The following ASTN2 variants were observed in gnomAD, a reference collection of about 807,000 sequenced individuals.
The protein encoded by ASTN2 is astrotactin-2.
A neutral mutation model predicts 139.8 loss-of-function variants in ASTN2; 54 were observed. That is an observed-to-expected ratio of 0.39 (90% CI 0.31 to 0.48). ASTN2 has a LOEUF of 0.48. Ranked by LOEUF, ASTN2 falls within the 20% of genes least tolerant of loss-of-function variation. The probability of loss-of-function intolerance (pLI) is 0.95; values close to 1 mark genes in which losing one functional copy is unlikely to be tolerated. For missense variants in ASTN2, 1,565 were observed against 1,725.1 expected (o/e 0.91, Z 1.64); for synonymous variants, 756 against 719.5 (o/e 1.05, Z -0.81).
chr9:117,073,209 C>A (rs1828183687), intron 5 of ASTN2, among the ~76,000 whole-genome samples: 1 of 152,146 alleles, frequency 6.6e-6, no homozygotes, highest in Non-Finnish European at 1.5e-5. Flanking sequence ...GCATGAGGTC[C>A]TGGCCTCTTA....
At chr9:116,613,949 G>C (rs1324485357) in intron 19 of ASTN2, among the ~76,000 whole-genome samples, 2 of 152,314 alleles carry the variant, frequency 1.3e-5, no homozygotes, top group Non-Finnish European at 2.9e-5. Context: ...CCTGTTTGCA[G>C]ATGACATGAT....
intron 2 of ASTN2, among the ~76,000 whole-genome samples, chr9:117,286,893 C>G (rs1052661191): frequency 5.3e-5 from 8 of 152,224 alleles, no homozygotes; most frequent in Admixed American, 2.0e-4. Flanking sequence ...GAATGTCAGG[C>G]ACTGTGCCAT....
intron 16 of ASTN2, among the ~76,000 whole-genome samples, chr9:116,680,401 G>C (rs1262440104): frequency 6.6e-6 from 1 of 152,052 alleles, no homozygotes; most frequent in Non-Finnish European, 1.5e-5. Flanking sequence ...CAACCAAAAA[G>C]AGTCCAGGAC....
At chr9:116,996,548 A>G (rs1256809981) in intron 7 of ASTN2, among the ~76,000 whole-genome samples, 1 of 152,044 alleles carries the variant, frequency 6.6e-6, no homozygotes, top group East Asian at 1.9e-4. Flanking sequence ...TTTAAGTTGA[A>G]ACAAGAAAGA....
At chr9:117,268,074 T>C (rs1440656137) in intron 2 of ASTN2, among the ~76,000 whole-genome samples, 1 of 152,214 alleles carries the variant, frequency 6.6e-6, no homozygotes, top group Non-Finnish European at 1.5e-5. Flanking sequence ...ATAAATGTGG[T>C]TCCCTTCTAA....
chr9:117,230,221 G>A (rs1025870888), intron 2 of ASTN2, among the ~76,000 whole-genome samples: 1 of 149,386 alleles, frequency 6.7e-6, no homozygotes, highest in Non-Finnish European at 1.5e-5. Flanking sequence ...GTGGCTTAAA[G>A]TGTTAGATAT....
chr9:117,262,382 A>T (rs1833843130), intron 2 of ASTN2, among the ~76,000 whole-genome samples: 1 of 146,544 alleles, frequency 6.8e-6, no homozygotes, highest in South Asian at 2.3e-4. Flanking sequence ...ACTGTGGTTG[A>T]TATTCTGTTT....
intron 17 of ASTN2, among the ~76,000 whole-genome samples, chr9:116,623,247 A>G (rs765904175): frequency 1.6e-4 from 24 of 151,476 alleles, no homozygotes; most frequent in Non-Finnish European, 3.4e-4. Flanking sequence ...GTGGAAAACA[A>G]AACAGGAAAT....
intron 3 of ASTN2, among the ~76,000 whole-genome samples, chr9:117,159,544 T>C (rs188149146): frequency 2.9e-4 from 44 of 152,108 alleles, no homozygotes; most frequent in South Asian, 2.5e-3. Flanking sequence ...CTAAAGATTT[T>C]TGGGTATTGA....
At chr9:116,936,383 G>C (rs1318047999) in intron 10 of ASTN2, among the ~76,000 whole-genome samples, 2 of 151,886 alleles carry the variant, frequency 1.3e-5, no homozygotes, top group African/African-American at 4.8e-5. Context: ...CCCAGGTACT[G>C]CCAAACCACA....
chr9:117,027,590 C>T (rs1047451731), intron 6 of ASTN2, among the ~76,000 whole-genome samples: 4 of 152,124 alleles, frequency 2.6e-5, no homozygotes, highest in Non-Finnish European at 5.9e-5. Flanking sequence ...ATTCTCACTC[C>T]CAATCCCTGC....
chr9:116,951,337 CAAAAAAAAAAAAA>C (rs386416039), intron 10 of ASTN2, among the ~76,000 whole-genome samples: 19 of 34,074 alleles, frequency 5.6e-4, no homozygotes, highest in East Asian at 3.5e-3. Flanking sequence ...AACTCTGTCT[CAAAAAAAAAAAAA>C]AAAAAAAAAA....
At chr9:116,974,065 T>G (rs1836281038) in intron 10 of ASTN2, among the ~76,000 whole-genome samples, 1 of 152,132 alleles carries the variant, frequency 6.6e-6, no homozygotes, top group Non-Finnish European at 1.5e-5. Context: ...CAGTCACTGG[T>G]AGTTAGGGGG....
intron 5 of ASTN2, among the ~76,000 whole-genome samples, chr9:117,059,049 G>A (rs560739951): frequency 3.3e-5 from 5 of 152,270 alleles, no homozygotes; most frequent in South Asian, 2.1e-4. Context: ...TATAATGCCC[G>A]GTCTATCTGC....
At chr9:116,977,690 T>C (rs1333326271) in intron 7 of ASTN2, among the ~76,000 whole-genome samples, 2 of 150,668 alleles carry the variant, frequency 1.3e-5, no homozygotes, top group Non-Finnish European at 2.9e-5. Context: ...CTCTACTGTA[T>C]ACTTAAGGTA....
At chr9:116,906,768 G>T (rs1207835395) in intron 10 of ASTN2, among the ~76,000 whole-genome samples, 4 of 152,088 alleles carry the variant, frequency 2.6e-5, no homozygotes, top group Non-Finnish European at 5.9e-5. Flanking sequence ...GGAAATGTCA[G>T]CCCAGAATCA....
At chr9:117,053,478 G>C (rs1431109105) in intron 5 of ASTN2, among the ~76,000 whole-genome samples, 1 of 152,068 alleles carries the variant, frequency 6.6e-6, no homozygotes, top group Non-Finnish European at 1.5e-5. Context: ...TGATCTTCTG[G>C]GGGTAAATAG....
intron 2 of ASTN2, among the ~76,000 whole-genome samples, chr9:117,264,314 G>A (rs565972632): frequency 4.1e-4 from 63 of 152,228 alleles, no homozygotes; most frequent in Middle Eastern, 3.4e-3. Context: ...TGGATAGTGA[G>A]TAAAATACAG....
rs1554724602 is a variant in ASTN2, at chr9:116,642,132, C to CCAAAAAAAAAAAAAAAAAAAAAA, written c.3072+9395_3072+9396insTTTTTTTTTTTTTTTTTTTTTTG. 2.0e-4 allele frequency among the ~76,000 whole-genome samples: 10 copies of CCAAAAAAAAAAAAAAAAAAAAAA among 48,938 alleles called. 1 individual carries two copies. The South Asian group carries it at 3.6e-3, about 17-fold the overall frequency. 32.1% of individuals were successfully genotyped at this position (48,938 alleles called of 152,430 possible). A position where few individuals can be genotyped will look rare whatever the true frequency, so the allele number is the denominator to read the frequency against. On this transcript the variant is annotated intron_variant, in intron 17 of 22. Coordinates refer to ENST00000313400, the MANE Select transcript of ASTN2 (RefSeq NM_001365068.1). The stretch of plus-strand genomic sequence containing the variant: ...TGGGAAAATGAAGGCTCCCAACCCA[C>CCAAAAAAAAAAAAAAAAAAAAAA]AAAAAAAAAAAAACAAAAAAAAACA...
Sources: gnomAD v4.1 joint callset for allele counts (sites outside exome capture counted in the v4.1 genomes callset) on GRCh38, gnomAD v4.1.1 for gene constraint, MANE v1.5 for transcripts, NCBI Gene and HGNC (gene_info 2026-07-23, HGNC 2026-07-21) for gene names.